Variants in KLF12 observed in about 807,000 individuals in gnomAD.
KLF12 encodes Krueppel-like factor 12.
Under a neutral mutation model 37.8 loss-of-function variants are expected in KLF12, and 9 were observed. That is an observed-to-expected ratio of 0.24 (90% CI 0.14 to 0.42). The LOEUF is 0.42. KLF12 is among the 10% of genes least tolerant of loss of function. KLF12 has a pLI of 1.00. For synonymous variants in KLF12, 208 were observed against 202.1 expected (o/e 1.03, Z -0.25); for missense variants, 411 against 516.0 (o/e 0.80, Z 1.97).
the KLF12 span, among the ~76,000 whole-genome samples, chr13:74,238,019 G>A: frequency 6.7e-6 from 1 of 148,282 alleles, no homozygotes; most frequent in Non-Finnish European, 1.5e-5. Context: ...CCTTGTGCCA[G>A]TTTTCAAAGG....
At chr13:74,264,803 A>G in the KLF12 span, among the ~76,000 whole-genome samples, 1 of 152,248 alleles carries the variant, frequency 6.6e-6, no homozygotes, top group Non-Finnish European at 1.5e-5. Context: ...AATTTGTATA[A>G]TAAAATACCT....
chr13:73,686,799 T>C lies in KLF12; in HGVS notation c.*8691A>G, dbSNP rs1353859682. On this transcript the variant is annotated 3_prime_UTR_variant, in exon 8 of 8. Transcript: ENST00000377669. ...CTTCAAGCCTAGAATAACTGTTTTG[T>C]AAACTAAAGGATGTTTCTGTATTTT... The C allele has an allele frequency of 3.3e-5, 5 of 152,206 alleles. No homozygotes were observed. Among genetic ancestry groups the C allele is most frequent in the Non-Finnish European group, 5.9e-5 (4 of 68,034 alleles). 9.4% of individuals were successfully genotyped at this position (152,206 alleles called of 1,614,324 possible).
the KLF12 span, among the ~76,000 whole-genome samples, chr13:74,241,501 A>G: frequency 1.2e-4 from 18 of 152,116 alleles, no homozygotes; most frequent in African/African-American, 4.3e-4. Context: ...TGCTTTGTTT[A>G]CCTAATCAAA....
the KLF12 span, among the ~76,000 whole-genome samples, chr13:74,271,526 G>A: frequency 6.6e-6 from 1 of 152,126 alleles, no homozygotes; most frequent in Non-Finnish European, 1.5e-5. Flanking sequence ...ATGAATGACT[G>A]TGTTGCATTT....
intron 3 of KLF12, among the ~76,000 whole-genome samples, chr13:73,857,324 G>GT (rs750300401): frequency 6.6e-6 from 1 of 152,160 alleles, no homozygotes; most frequent in Non-Finnish European, 1.5e-5. Flanking sequence ...AGAAAACTTT[G>GT]TTAGATGACT....
chr13:74,155,520 C>T, the KLF12 span, among the ~76,000 whole-genome samples: 8 of 152,074 alleles, frequency 5.3e-5, no homozygotes, highest in African/African-American at 1.2e-4. Context: ...CGCCACCATG[C>T]CTGGCTAGAT....
the KLF12 span, among the ~76,000 whole-genome samples, chr13:74,248,726 C>T: frequency 6.6e-6 from 1 of 152,098 alleles, no homozygotes. Context: ...TTCTCTCCAG[C>T]TCTGAGCCAT....
At chr13:74,147,839 A>G in the KLF12 span, among the ~76,000 whole-genome samples, 1 of 150,952 alleles carries the variant, frequency 6.6e-6, no homozygotes. Flanking sequence ...TCTAAAGCCA[A>G]CTCCTCCATT....
At chr13:73,922,509 A>T (rs1889164423) in intron 3 of KLF12, among the ~76,000 whole-genome samples, 1 of 152,212 alleles carries the variant, frequency 6.6e-6, no homozygotes, top group Admixed American at 6.5e-5. Flanking sequence ...AAGATTTTAT[A>T]CAATTTGTTT....
intron 1 of KLF12, among the ~76,000 whole-genome samples, chr13:73,998,385 G>C (rs1223840226): frequency 1.3e-5 from 2 of 152,132 alleles, no homozygotes; most frequent in South Asian, 2.1e-4. Flanking sequence ...AATAGAGACA[G>C]AGAAACACAC....
the KLF12 span, among the ~76,000 whole-genome samples, chr13:74,286,494 G>T: frequency 1.3e-5 from 2 of 152,134 alleles, no homozygotes; most frequent in African/African-American, 4.8e-5. Context: ...GTAATTGTTA[G>T]AAAAAATTTT....
chr13:74,079,224 T>A (rs1874742054), intron 1 of KLF12, among the ~76,000 whole-genome samples: 4 of 151,998 alleles, frequency 2.6e-5, no homozygotes, highest in Admixed American at 2.6e-4. Context: ...TACCAGGGGC[T>A]GAGGGGAATG....
At chr13:73,795,099 A>G (rs113943698) in intron 5 of KLF12, among the ~76,000 whole-genome samples, 2 of 152,216 alleles carry the variant, frequency 1.3e-5, no homozygotes, top group African/African-American at 4.8e-5. Flanking sequence ...AGTTTTCATG[A>G]TTTTTTCTGC....
the KLF12 span, among the ~76,000 whole-genome samples, chr13:74,272,479 C>A: frequency 1.3e-5 from 2 of 152,228 alleles, no homozygotes; most frequent in South Asian, 4.1e-4. Flanking sequence ...TGATAGTTGT[C>A]ATATTAAAGT....
intron 1 of KLF12, among the ~76,000 whole-genome samples, chr13:74,018,215 G>A (rs1379986966): frequency 6.6e-6 from 1 of 151,950 alleles, no homozygotes; most frequent in African/African-American, 2.4e-5. Flanking sequence ...GGCACAGAAA[G>A]GCAAATACTG....
At chr13:73,997,716 AGGCCAGT>A (rs1358908546) in intron 1 of KLF12, among the ~76,000 whole-genome samples, 2 of 152,232 alleles carry the variant, frequency 1.3e-5, no homozygotes, top group Admixed American at 1.3e-4. Flanking sequence ...GAAGTTTTAA[AGGCCAGT>A]GGCCTCATCA....
At chr13:73,699,277 C>T (rs779230584) in intron 7 of KLF12, among the ~76,000 whole-genome samples, 14 of 149,724 alleles carry the variant, frequency 9.4e-5, no homozygotes, top group South Asian at 2.1e-4. Context: ...CCCAGCGATT[C>T]GGGAAGCTGA....
At chr13:73,988,559 C>G (rs1427911361) in intron 2 of KLF12, among the ~76,000 whole-genome samples, 1 of 152,122 alleles carries the variant, frequency 6.6e-6, no homozygotes, top group South Asian at 2.1e-4. Context: ...ATAACATATG[C>G]CCCAACTACC....
At chr13:74,111,616 C>G (rs542408232) in intron 1 of KLF12, among the ~76,000 whole-genome samples, 36 of 152,214 alleles carry the variant, frequency 2.4e-4, no homozygotes, top group African/African-American at 8.7e-4. Flanking sequence ...ACAAGATAAT[C>G]TGAAAAGTCC....
Sources: gnomAD v4.1 joint callset for allele counts (sites outside exome capture counted in the v4.1 genomes callset) on GRCh38, gnomAD v4.1.1 for gene constraint, MANE v1.5 for transcripts, NCBI Gene and HGNC (gene_info 2026-07-23, HGNC 2026-07-21) for gene names.